Variants in ADGRB3 observed in about 807,000 individuals in gnomAD.
The protein encoded by ADGRB3 is adhesion G protein-coupled receptor B3, also known as brain-specific angiogenesis inhibitor 3.
Under a neutral mutation model 193.4 loss-of-function variants are expected in ADGRB3, and 37 were observed. That is an observed-to-expected ratio of 0.19 (90% CI 0.15 to 0.25). The LOEUF (loss-of-function observed/expected upper bound fraction) is 0.25, where lower values mean the gene tolerates loss of function less well. Ranked by LOEUF, ADGRB3 falls within the 10% of genes least tolerant of loss-of-function variation. The pLI, the probability that ADGRB3 is intolerant of heterozygous loss-of-function variation, is 1.00. For missense variants in ADGRB3, 1,637 were observed against 1,852.9 expected (o/e 0.88, Z 2.14); for synonymous variants, 690 against 644.2 (o/e 1.07, Z -1.08).
chr6:69,293,062 C>G (rs1279861388), intron 20 of ADGRB3, among the ~76,000 whole-genome samples: 1 of 152,186 alleles, frequency 6.6e-6, no homozygotes, highest in Non-Finnish European at 1.5e-5. Flanking sequence ...CTGCATGGCT[C>G]CAGCTGCTGG....
intron 17 of ADGRB3, among the ~76,000 whole-genome samples, chr6:69,163,486 G>T (rs569204552): frequency 2.8e-4 from 42 of 152,086 alleles, no homozygotes; most frequent in African/African-American, 9.6e-4. Flanking sequence ...TTCAAGTAAA[G>T]CCATTCAAAT....
At chr6:68,795,135 A>G (rs1386322025) in intron 3 of ADGRB3, among the ~76,000 whole-genome samples, 2 of 152,066 alleles carry the variant, frequency 1.3e-5, no homozygotes, top group Non-Finnish European at 2.9e-5. Context: ...GCATTTAGGA[A>G]TCCATGTCCC....
chr6:68,812,824 A>AC (rs551804466), intron 3 of ADGRB3, among the ~76,000 whole-genome samples: 1,686 of 132,258 alleles, frequency 0.013, 34 homozygotes, highest in African/African-American at 0.044. Context: ...TCCCTCCCCT[A>AC]GCCCCCCAAC....
intron 6 of ADGRB3, among the ~76,000 whole-genome samples, chr6:68,952,624 T>C (rs1270096183): frequency 6.6e-6 from 1 of 152,022 alleles, no homozygotes; most frequent in Non-Finnish European, 1.5e-5. Context: ...GTTGTGCACA[T>C]GTACTCTAGA....
At chr6:68,697,023 A>C (rs936173514) in intron 3 of ADGRB3, among the ~76,000 whole-genome samples, 1 of 152,054 alleles carries the variant, frequency 6.6e-6, no homozygotes, top group Admixed American at 6.6e-5. Flanking sequence ...AGAGAACCAC[A>C]AAGAATTCTA....
At chr6:69,375,604 T>G (rs1769799475) in intron 30 of ADGRB3, among the ~76,000 whole-genome samples, 1 of 152,116 alleles carries the variant, frequency 6.6e-6, no homozygotes, top group South Asian at 2.1e-4. Context: ...AATGTGATGT[T>G]AAAACAGACA....
intron 3 of ADGRB3, among the ~76,000 whole-genome samples, chr6:68,747,804 A>G (rs1766113312): frequency 6.6e-6 from 1 of 152,158 alleles, no homozygotes; most frequent in African/African-American, 2.4e-5. Context: ...AAAAATTCTC[A>G]TTAGCAGTTG....
chr6:69,075,681 A>C (rs1017630372), intron 16 of ADGRB3, among the ~76,000 whole-genome samples: 8 of 152,196 alleles, frequency 5.3e-5, no homozygotes, highest in Non-Finnish European at 1.0e-4. Context: ...TTTTAGAGAC[A>C]TAAGTATAAA....
chr6:68,717,671 T>A (rs1002309465), intron 3 of ADGRB3, among the ~76,000 whole-genome samples: 5 of 151,564 alleles, frequency 3.3e-5, no homozygotes, highest in African/African-American at 1.2e-4. Flanking sequence ...ACTAGCCATA[T>A]TTAATAAAGA....
intron 20 of ADGRB3, among the ~76,000 whole-genome samples, chr6:69,290,410 A>G (rs941216270): frequency 1.3e-5 from 2 of 152,056 alleles, no homozygotes; most frequent in African/African-American, 4.8e-5. Context: ...GCAAAACATT[A>G]ACCCTTGAGG....
intron 20 of ADGRB3, among the ~76,000 whole-genome samples, chr6:69,262,948 T>C (rs1766960744): frequency 6.6e-6 from 1 of 151,948 alleles, no homozygotes; most frequent in African/African-American, 2.4e-5. Flanking sequence ...ACCTTACATA[T>C]AGCGTTTTCT....
intron 3 of ADGRB3, among the ~76,000 whole-genome samples, chr6:68,883,570 A>G (rs1419014461): frequency 1.3e-5 from 2 of 152,100 alleles, no homozygotes; most frequent in East Asian, 1.9e-4. Flanking sequence ...GAGACCACGA[A>G]CTCACTGGGA....
Position 68,741,391 on chromosome 6 carries a change from T to G in ADGRB3, c.757+101959T>G, listed in dbSNP as rs147489128. The stretch of plus-strand genomic sequence containing the variant: ...TTTTTAAATTTTTTTTAATATTTTA[T>G]TTTTGAGACAGGGCCTGGCTCTGTT... On this transcript the variant is annotated intron_variant, in intron 3 of 31. Coordinates refer to ENST00000370598, the MANE Select transcript of ADGRB3 (RefSeq NM_001704.3). 2.6e-3 allele frequency among the ~76,000 whole-genome samples: 397 copies of G among 152,214 alleles called. 6 individuals are homozygous for G. In the East Asian group the frequency reaches 0.054, roughly 21 times the overall value.
intron 17 of ADGRB3, among the ~76,000 whole-genome samples, chr6:69,155,473 A>G (rs879259437): frequency 6.6e-6 from 1 of 152,248 alleles, no homozygotes; most frequent in Non-Finnish European, 1.5e-5. Flanking sequence ...CATGTACCAC[A>G]GGGAATACCT....
intron 13 of ADGRB3, among the ~76,000 whole-genome samples, chr6:69,047,094 C>T (rs752878591): frequency 6.6e-6 from 1 of 152,094 alleles, no homozygotes; most frequent in Admixed American, 6.6e-5. Flanking sequence ...CTCCTGACCT[C>T]GTGATCCACC....
chr6:68,879,007 C>T (rs913581724), intron 3 of ADGRB3, among the ~76,000 whole-genome samples: 2 of 152,122 alleles, frequency 1.3e-5, no homozygotes, highest in African/African-American at 4.8e-5. Flanking sequence ...CACCGGCTCT[C>T]TTTCACAGTG....
At chr6:68,707,441 A>G (rs1313882589) in intron 3 of ADGRB3, among the ~76,000 whole-genome samples, 2 of 152,174 alleles carry the variant, frequency 1.3e-5, no homozygotes, top group African/African-American at 4.8e-5. Flanking sequence ...TGTATTTGGA[A>G]GGGAAAATAT....
chr6:69,242,575 A>C (rs1207423088), intron 20 of ADGRB3, among the ~76,000 whole-genome samples: 1 of 151,960 alleles, frequency 6.6e-6, no homozygotes, highest in African/African-American at 2.4e-5. Context: ...TTATCTTGCT[A>C]CTGAGTATCT....
chr6:69,377,967 TAGA>T (rs35358808), intron 30 of ADGRB3, among the ~76,000 whole-genome samples: 43 of 152,220 alleles, frequency 2.8e-4, no homozygotes, highest in South Asian at 6.2e-4. Context: ...ACCTCTTTTA[TAGA>T]AGAAGAGGAC....
Sources: gnomAD v4.1 joint callset for allele counts (sites outside exome capture counted in the v4.1 genomes callset) on GRCh38, gnomAD v4.1.1 for gene constraint, MANE v1.5 for transcripts, NCBI Gene and HGNC (gene_info 2026-07-23, HGNC 2026-07-21) for gene names.